The following ARB2A variants were observed in gnomAD, a reference collection of about 807,000 sequenced individuals.
ARB2A encodes cotranscriptional regulator ARB2A.
chr5:93,977,331 C>A, the ARB2A span, among the ~76,000 whole-genome samples: 7 of 151,342 alleles, frequency 4.6e-5, no homozygotes, highest in East Asian at 1.9e-4. Flanking sequence ...AAAATAAAAT[C>A]AAGCTGGAAG....
chr5:93,651,987 A>G, the ARB2A span, among the ~76,000 whole-genome samples: 109 of 152,192 alleles, frequency 7.2e-4, 1 homozygote, highest in Non-Finnish European at 1.4e-3. Flanking sequence ...ATATCAAAAA[A>G]TTTAACCCAA....
chr5:93,829,746 G>T, the ARB2A span, among the ~76,000 whole-genome samples: 3 of 152,088 alleles, frequency 2.0e-5, no homozygotes, highest in Admixed American at 6.5e-5. Flanking sequence ...GAATAAAACA[G>T]TTGGAAGGAA....
chr5:93,906,278 T>C, the ARB2A span, among the ~76,000 whole-genome samples: 3 of 151,546 alleles, frequency 2.0e-5, no homozygotes, highest in East Asian at 1.9e-4. Context: ...AAATAAACCA[T>C]CAGTGATTTT....
the ARB2A span, among the ~76,000 whole-genome samples, chr5:93,642,014 G>C: frequency 6.6e-6 from 1 of 152,048 alleles, no homozygotes; most frequent in African/African-American, 2.4e-5. Context: ...ACAGGGTCTT[G>C]CTCTGTCACT....
the ARB2A span, among the ~76,000 whole-genome samples, chr5:93,777,779 T>C: frequency 6.6e-6 from 1 of 152,190 alleles, no homozygotes; most frequent in Admixed American, 6.5e-5. Flanking sequence ...ATTCATTCTG[T>C]CTGGAAGAAG....
chr5:93,619,946 A>G, the ARB2A span: 5 of 152,222 alleles, frequency 3.3e-5, no homozygotes, highest in African/African-American at 1.2e-4. Context: ...AAGGCTGCAG[A>G]GCACAAAGGT....
At chr5:93,624,094 T>C in the ARB2A span, among the ~76,000 whole-genome samples, 7 of 152,146 alleles carry the variant, frequency 4.6e-5, no homozygotes, top group Admixed American at 1.3e-4. Flanking sequence ...AAAAAATACA[T>C]CACTTTAGGG....
At chr5:93,900,597 G>A in the ARB2A span, among the ~76,000 whole-genome samples, 1 of 143,390 alleles carries the variant, frequency 7.0e-6, no homozygotes, top group African/African-American at 2.6e-5. Flanking sequence ...CTGGGCGACA[G>A]AGTGAGACGC....
At chr5:93,813,343 T>C in the ARB2A span, among the ~76,000 whole-genome samples, 3 of 152,166 alleles carry the variant, frequency 2.0e-5, no homozygotes, top group Non-Finnish European at 4.4e-5. Flanking sequence ...AATATTTAGC[T>C]GAGGAGATTT....
the ARB2A span, among the ~76,000 whole-genome samples, chr5:93,814,046 T>C: frequency 3.3e-5 from 5 of 152,194 alleles, no homozygotes; most frequent in Non-Finnish European, 7.3e-5. Flanking sequence ...CTGTACCTTC[T>C]GTGCACTCAG....
the ARB2A span, among the ~76,000 whole-genome samples, chr5:93,996,210 T>TACATACAC: frequency 3.9e-5 from 6 of 152,086 alleles, no homozygotes; most frequent in East Asian, 7.7e-4. Flanking sequence ...CCTAAATATA[T>TACATACAC]ACATACACAC....
chr5:93,746,090 G>A, the ARB2A span, among the ~76,000 whole-genome samples: 12 of 152,140 alleles, frequency 7.9e-5, no homozygotes, highest in Non-Finnish European at 1.3e-4. Flanking sequence ...TTAGTTCACT[G>A]GAAACTACCT....
the ARB2A span, among the ~76,000 whole-genome samples, chr5:94,110,175 G>A: frequency 1.3e-5 from 2 of 152,142 alleles, no homozygotes; most frequent in South Asian, 2.1e-4. Flanking sequence ...GTGAGCCACC[G>A]CGCCCTGCCT....
the ARB2A span, among the ~76,000 whole-genome samples, chr5:93,923,631 G>A: frequency 1.3e-4 from 20 of 152,226 alleles, no homozygotes; most frequent in African/African-American, 4.8e-4. Context: ...ACAACAAAGT[G>A]AGACTTCATC....
At chr5:93,852,219 T>C in the ARB2A span, among the ~76,000 whole-genome samples, 1 of 152,216 alleles carries the variant, frequency 6.6e-6, no homozygotes, top group Admixed American at 6.6e-5. Flanking sequence ...GGTGAGCATT[T>C]TTTCATGTGT....
the ARB2A span, among the ~76,000 whole-genome samples, chr5:93,931,780 T>C: frequency 2.1e-4 from 32 of 152,110 alleles, no homozygotes; most frequent in Non-Finnish European, 4.4e-4. Context: ...GCCCCTATCA[T>C]AAAGCCACCC....
the ARB2A span, among the ~76,000 whole-genome samples, chr5:93,712,042 G>A: frequency 4.6e-5 from 7 of 152,194 alleles, no homozygotes; most frequent in Admixed American, 3.3e-4. Flanking sequence ...GATGAGTGCT[G>A]GGACGGAAGT....
the ARB2A span, among the ~76,000 whole-genome samples, chr5:93,755,653 A>T: frequency 6.6e-6 from 1 of 152,132 alleles, no homozygotes; most frequent in East Asian, 1.9e-4. Flanking sequence ...GAAGTTTCCA[A>T]CCTTACCTGG....
chr5:93,687,739 T>A, the ARB2A span, among the ~76,000 whole-genome samples: 3 of 152,212 alleles, frequency 2.0e-5, no homozygotes, highest in Non-Finnish European at 2.9e-5. Context: ...AAACAGATTA[T>A]TTCTCAGGGG....
Sources: gnomAD v4.1 joint callset for allele counts (sites outside exome capture counted in the v4.1 genomes callset) on GRCh38, gnomAD v4.1.1 for gene constraint, MANE v1.5 for transcripts, NCBI Gene and HGNC (gene_info 2026-07-23, HGNC 2026-07-21) for gene names.